The following MPP4 variants were observed in gnomAD, a reference collection of about 807,000 sequenced individuals.
MPP4 encodes MAGUK p55 subfamily member 4.
MPP4 carries 91 observed loss-of-function variants against 98.3 expected under a neutral mutation model. The ratio of observed to expected loss-of-function variants is 0.93; its 90% confidence interval spans 0.78 to 1.10. The LOEUF is 1.10. Among genes scored for constraint, MPP4 ranks in the 50% least tolerant of loss-of-function variants. The pLI is 0.00. For missense variants in MPP4, 744 were observed against 792.9 expected (o/e 0.94, Z 0.74); for synonymous variants, 261 against 271.8 (o/e 0.96, Z 0.39).
rs774907309 is a variant in MPP4 at position 201,680,984 on chromosome 2, G to C, written c.783C>G (p.Ile261Met). ...AAGGCAATCCAGCGTCCATGCAGGGGATGTCGGGATCCTCCTGGGGCCAGT... is the reference window on the plus strand; with the variant it reads ...AAGGCAATCCAGCGTCCATGCAGGGCATGTCGGGATCCTCCTGGGGCCAGT... ...TEYWPQEDPD[I>M]PCMDAGLPFQ... Residue 261 changes from isoleucine to methionine, a missense_variant, in exon 10 of 22, where the codon ATC becomes ATG. Transcript: ENST00000409474. The C allele has an allele frequency of 6.2e-7, 1 of 1,613,922 alleles. No homozygotes were observed. The highest frequency in any genetic ancestry group is 1.7e-5 in the Admixed American group (1 of 60,018).
intron 1 of MPP4, among the ~76,000 whole-genome samples, chr2:201,694,581 A>G (rs1167911879): frequency 2.9e-5 from 4 of 137,182 alleles, no homozygotes; most frequent in Admixed American, 2.2e-4. Flanking sequence ...TACAATTTGT[A>G]TAGAGTCTGG....
In MPP4 at chr2:201,682,934, A is replaced by G; in HGVS notation, c.575-18T>C. On this transcript the variant is annotated intron_variant, in intron 7 of 21. Coordinates refer to ENST00000409474, the MANE Select transcript of MPP4 (RefSeq NM_033066.3). ...TAGCAACCCTAGGCAGACAGTAACA[A>G]AAAACAAAGAAAGATACAAAGAAGT... 6.3e-7 allele frequency: 1 copy of G among 1,598,344 alleles called. No individual in the cohort carries two copies. The highest frequency in any genetic ancestry group is 8.6e-7 in the Non-Finnish European group (1 of 1,166,128).
chr2:201,690,599 A>G (rs1165544978), intron 3 of MPP4, among the ~76,000 whole-genome samples: 2 of 152,142 alleles, frequency 1.3e-5, no homozygotes, highest in African/African-American at 4.8e-5. Flanking sequence ...GACTGAAACC[A>G]ATGGGGATTT....
In MPP4 at chr2:201,669,739, C is replaced by A; in HGVS notation, c.1006G>T (p.Glu336Ter). 2 of 1,447,424 alleles carry A rather than the reference C, an allele frequency of 1.4e-6. No homozygotes were observed. The highest frequency in any genetic ancestry group is 1.6e-5 in the South Asian group (1 of 64,034). 89.7% of individuals were successfully genotyped at this position (1,447,424 alleles called of 1,614,324 possible). A position where few individuals can be genotyped will look rare whatever the true frequency, so the allele number is the denominator to read the frequency against. The change falls in exon 12 of 22, where the codon GAA (glutamate) becomes TAA (stop). Residue 336 changes from glutamate to a stop codon, truncating the protein, a stop_gained. Coordinates refer to ENST00000409474, the MANE Select transcript of MPP4 (RefSeq NM_033066.3). LOFTEE classifies it high-confidence loss of function. ...CLKSTLSISM[E>*]EEDDMKIDEK... ...CCTAAATACTATTTCTTACCTTCTTCCATAGAAATTGCTGAGTACAAGCAA... is the reference window on the plus strand; with the variant it reads ...CCTAAATACTATTTCTTACCTTCTTACATAGAAATTGCTGAGTACAAGCAA...
intron 3 of MPP4, among the ~76,000 whole-genome samples, chr2:201,692,471 G>A (rs1689059626): frequency 6.6e-6 from 1 of 151,534 alleles, no homozygotes. Context: ...TTGAAGCTGG[G>A]AGGCGGAGGT....
At chr2:201,689,675 C>T (rs1688948167) in intron 4 of MPP4, among the ~76,000 whole-genome samples, 1 of 152,072 alleles carries the variant, frequency 6.6e-6, no homozygotes, top group Non-Finnish European at 1.5e-5. Flanking sequence ...GAAATGACCC[C>T]TAAGATTCTG....
chr2:201,678,909 G>A (rs1399535546), intron 10 of MPP4, among the ~76,000 whole-genome samples: 1 of 152,062 alleles, frequency 6.6e-6, no homozygotes, highest in African/African-American at 2.4e-5. Context: ...ACATACAAAT[G>A]TCCCTTTCAG....
chr2:201,666,892 C>T (rs530888137), intron 12 of MPP4, among the ~76,000 whole-genome samples: 141 of 152,036 alleles, frequency 9.3e-4, no homozygotes, highest in Non-Finnish European at 1.5e-3. Flanking sequence ...AAGGGCTCTC[C>T]TATATTAAAT....
intron 3 of MPP4, among the ~76,000 whole-genome samples, chr2:201,692,062 A>G (rs1194236797): frequency 6.6e-6 from 1 of 152,182 alleles, no homozygotes; most frequent in African/African-American, 2.4e-5. Context: ...GGAAGGGACT[A>G]CCATATTCTC....
At position 201,692,794 on chromosome 2, in the gene MPP4, T is replaced by C. The variant is rs983889130; in HGVS notation, c.201+114A>G. ...TACAGAACTGTGAGATATCAATTTC[T>C]GTTGTTTATAAACTATTCCACTATC... On this transcript the variant is annotated intron_variant, in intron 3 of 21. Coordinates refer to ENST00000409474, the MANE Select transcript of MPP4 (RefSeq NM_033066.3). The C allele has an allele frequency of 7.0e-6, 10 of 1,433,170 alleles. No homozygotes were observed. In the African/African-American group the frequency reaches 1.3e-4, roughly 19 times the overall value. The allele number at this position is 1,433,170 out of a possible 1,614,324, so 88.8% of individuals were successfully genotyped here. A position where few individuals can be genotyped will look rare whatever the true frequency, so the allele number is the denominator to read the frequency against.
intron 7 of MPP4, among the ~76,000 whole-genome samples, chr2:201,683,955 C>T (rs565610330): frequency 7.9e-5 from 12 of 152,008 alleles, no homozygotes; most frequent in African/African-American, 2.9e-4. Context: ...TGTGGTGGCT[C>T]ATACCTGTAA....
chr2:201,647,650 A>C, intron 21 of MPP4, 41 bp downstream of exon 21: 1 of 1,596,080 alleles, frequency 6.3e-7, no homozygotes, highest in Non-Finnish European at 8.6e-7. Flanking sequence ...CCCACGCAGA[A>C]GCCACTGAAA....
At position 201,649,435 on chromosome 2, in the gene MPP4, A is replaced by G; in HGVS notation, c.1584+141T>C. 3 of 613,696 alleles carry G rather than the reference A, an allele frequency of 4.9e-6. No homozygotes were observed. The South Asian group carries it at 6.9e-5, about 14-fold the overall frequency. 38.0% of individuals were successfully genotyped at this position (613,696 alleles called of 1,614,324 possible). A position where few individuals can be genotyped will look rare whatever the true frequency, so the allele number is the denominator to read the frequency against. On this transcript the variant is annotated intron_variant, in intron 20 of 21. Transcript: ENST00000409474. ...AATGTTGTCAATTGACACGTTAAGT[A>G]AGATCTTATATATGGGAAATGGCCT...
intron 12 of MPP4, 195 bp from the exon 13 acceptor site, chr2:201,666,567 C>T: frequency 2.2e-6 from 1 of 460,778 alleles, no homozygotes. Flanking sequence ...CCAAAAAAAA[C>T]AAAAATTAGT....
chr2:201,683,594 CA>C (rs137873602), intron 7 of MPP4, among the ~76,000 whole-genome samples: 1 of 151,468 alleles, frequency 6.6e-6, no homozygotes, highest in East Asian at 1.9e-4. Context: ...ACTAAAAATA[CA>C]AAAAAAATTA....
At chr2:201,657,282 T>G (rs1687870753) in intron 16 of MPP4, among the ~76,000 whole-genome samples, 1 of 152,148 alleles carries the variant, frequency 6.6e-6, no homozygotes, top group Non-Finnish European at 1.5e-5. Flanking sequence ...GTGTGATCAG[T>G]GCAAAGTTGG....
intron 13 of MPP4, chr2:201,666,132 G>A: frequency 6.8e-6 from 3 of 440,740 alleles, no homozygotes; most frequent in Non-Finnish European, 1.2e-5. Flanking sequence ...TTTTCTAGTA[G>A]ATCAGTGGGA....
At chr2:201,667,353 C>A (rs570409365) in intron 12 of MPP4, among the ~76,000 whole-genome samples, 1 of 152,116 alleles carries the variant, frequency 6.6e-6, no homozygotes. Flanking sequence ...GAATGAATAC[C>A]CCCTTGCAGA....
intron 10 of MPP4, among the ~76,000 whole-genome samples, chr2:201,679,588 T>C (rs1173488806): frequency 6.6e-6 from 1 of 152,164 alleles, no homozygotes; most frequent in African/African-American, 2.4e-5. Flanking sequence ...CTGTTTATGG[T>C]CCTAGGTCAG....
Sources: gnomAD v4.1 joint callset for allele counts (sites outside exome capture counted in the v4.1 genomes callset) on GRCh38, gnomAD v4.1.1 for gene constraint, MANE v1.5 for transcripts, NCBI Gene and HGNC (gene_info 2026-07-23, HGNC 2026-07-21) for gene names.